NKAIN3: variants seen among roughly 807,000 people sequenced by gnomAD.
The protein encoded by NKAIN3 is sodium/potassium transporting ATPase interacting 3.
A neutral mutation model predicts 30.2 loss-of-function variants in NKAIN3; 25 were observed. The ratio of observed to expected loss-of-function variants is 0.83; its 90% confidence interval spans 0.60 to 1.16. NKAIN3 has a LOEUF of 1.16. Ranked by LOEUF, NKAIN3 falls within the 50% of genes most tolerant of loss-of-function variation. NKAIN3 has a pLI of 0.00. For synonymous variants in NKAIN3, 91 were observed against 89.6 expected (o/e 1.02, Z -0.09); for missense variants, 225 against 254.1 (o/e 0.89, Z 0.78).
chr8:62,942,619 G>T (rs1823000510), intron 5 of NKAIN3, among the ~76,000 whole-genome samples: 1 of 151,558 alleles, frequency 6.6e-6, no homozygotes, highest in Non-Finnish European at 1.5e-5. Context: ...CACATTACCT[G>T]ACTTCAAACT....
intron 1 of NKAIN3, among the ~76,000 whole-genome samples, chr8:62,292,938 T>C (rs1813699025): frequency 6.6e-6 from 1 of 152,204 alleles, no homozygotes; most frequent in Non-Finnish European, 1.5e-5. Context: ...TTCTTTTTAC[T>C]CTTTTTTTTT....
Position 62,280,814 on chromosome 8 carries a change from A to G in NKAIN3, c.54+31687A>G, listed in dbSNP as rs530015796. On this transcript the variant is annotated intron_variant, in intron 1 of 6. Coordinates refer to ENST00000623646, the MANE Select transcript of NKAIN3 (RefSeq NM_001304533.3). ...GAGGATTTTTGCATCGATGTTCATCAGGGATATTGGTCTAAAATTCTCTTT... is the reference window on the plus strand; with the variant it reads ...GAGGATTTTTGCATCGATGTTCATCGGGGATATTGGTCTAAAATTCTCTTT... Among the ~76,000 whole-genome samples, 290 of 152,264 alleles carry G rather than the reference A, an allele frequency of 1.9e-3. 1 individual carries two copies. The highest frequency in any genetic ancestry group is 6.5e-3 in the African/African-American group (270 of 41,548).
rs201239858 is a variant in NKAIN3 at position 62,743,292 on chromosome 8, TA to T, written c.274-3631del. ...AAACTGAGTTGTCATGTGGTAAGTT[TA>T]AAAAAAAATGTTTCTAATCTAGTAC... is the stretch of plus-strand genomic sequence containing the variant. On this transcript the variant is annotated intron_variant, in intron 3 of 6. Transcript: ENST00000623646. Among the ~76,000 whole-genome samples, 660 of 151,486 alleles carry T rather than the reference TA, an allele frequency of 4.4e-3. 8 individuals are homozygous for T. The highest frequency in any genetic ancestry group is 0.014 in the African/African-American group (574 of 41,334).
At chr8:62,897,288 G>T (rs143184500) in intron 4 of NKAIN3, among the ~76,000 whole-genome samples, 1 of 151,954 alleles carries the variant, frequency 6.6e-6, no homozygotes, top group Admixed American at 6.6e-5. Flanking sequence ...AACAGGCAAT[G>T]TTTTTTATTA....
At chr8:62,952,451 C>T (rs1823309341) in intron 5 of NKAIN3, among the ~76,000 whole-genome samples, 2 of 152,048 alleles carry the variant, frequency 1.3e-5, no homozygotes, top group African/African-American at 4.8e-5. Flanking sequence ...TGTGATGAGG[C>T]TAATGTTGAA....
intron 1 of NKAIN3, among the ~76,000 whole-genome samples, chr8:62,257,158 A>G (rs778495130): frequency 2.0e-5 from 3 of 152,174 alleles, no homozygotes; most frequent in Non-Finnish European, 2.9e-5. Context: ...ATTATTAACT[A>G]TAGTCACTAT....
chr8:62,629,183 G>A (rs183168754), intron 3 of NKAIN3, among the ~76,000 whole-genome samples: 34 of 152,214 alleles, frequency 2.2e-4, no homozygotes, highest in Middle Eastern at 3.4e-3. Context: ...CAAATCACCT[G>A]GATAGGGTGA....
chr8:62,259,346 A>G (rs944656491), intron 1 of NKAIN3, among the ~76,000 whole-genome samples: 1 of 152,124 alleles, frequency 6.6e-6, no homozygotes, highest in Non-Finnish European at 1.5e-5. Flanking sequence ...TTTGAGGTCA[A>G]TTTTAGGAAG....
chr8:62,463,000 G>C (rs1806043540), intron 1 of NKAIN3, among the ~76,000 whole-genome samples: 2 of 152,162 alleles, frequency 1.3e-5, no homozygotes, highest in Admixed American at 6.5e-5. Context: ...CCAGCTATTT[G>C]TGTTCCCAAA....
At chr8:62,897,237 A>T (rs1002436844) in intron 4 of NKAIN3, among the ~76,000 whole-genome samples, 4 of 152,190 alleles carry the variant, frequency 2.6e-5, no homozygotes, top group Admixed American at 6.6e-5. Context: ...GTGTCTGCAC[A>T]TTGGTTCACC....
chr8:62,833,675 A>G (rs1052541432), intron 4 of NKAIN3, among the ~76,000 whole-genome samples: 1 of 151,840 alleles, frequency 6.6e-6, no homozygotes, highest in African/African-American at 2.4e-5. Flanking sequence ...CCAAAATTGA[A>G]TCAGTAGTAG....
intron 4 of NKAIN3, among the ~76,000 whole-genome samples, chr8:62,768,448 TACAG>T (rs1273327914): frequency 5.9e-5 from 9 of 152,318 alleles, no homozygotes; most frequent in African/African-American, 1.9e-4. Flanking sequence ...CTTGTGAAGC[TACAG>T]ACAAAGTAGA....
At chr8:62,940,880 G>A (rs966123438) in intron 5 of NKAIN3, among the ~76,000 whole-genome samples, 8 of 150,726 alleles carry the variant, frequency 5.3e-5, no homozygotes, top group Non-Finnish European at 1.0e-4. Flanking sequence ...AGAACAAACC[G>A]AATCCAAACC....
chr8:62,860,097 G>A (rs60156098), intron 4 of NKAIN3, among the ~76,000 whole-genome samples: 2,450 of 152,274 alleles, frequency 0.016, 62 homozygotes, highest in African/African-American at 0.05. Context: ...GTGGGTAATA[G>A]TGCTTGACCA....
intron 1 of NKAIN3, among the ~76,000 whole-genome samples, chr8:62,476,001 G>A (rs1334978734): frequency 6.6e-6 from 1 of 152,116 alleles, no homozygotes; most frequent in Non-Finnish European, 1.5e-5. Flanking sequence ...TAAGAATAAA[G>A]TGAAACAAAA....
chr8:62,534,860 G>GT (rs145601852), intron 1 of NKAIN3, among the ~76,000 whole-genome samples: 8,812 of 145,602 alleles, frequency 0.061, 788 homozygotes, highest in African/African-American at 0.18. Flanking sequence ...TGCATTTATT[G>GT]GTTTTTTTTT....
chr8:62,956,071 A>AT, intron 6 of NKAIN3, among the ~76,000 whole-genome samples: 1 of 152,334 alleles, frequency 6.6e-6, no homozygotes, highest in South Asian at 2.1e-4. Context: ...GCATGAAACA[A>AT]TTTAAGAGGT....
chr8:62,898,085 T>C (rs1480699460), intron 4 of NKAIN3, among the ~76,000 whole-genome samples: 1 of 152,066 alleles, frequency 6.6e-6, no homozygotes, highest in Non-Finnish European at 1.5e-5. Context: ...TAGCAATCAA[T>C]TACACTCCAA....
At chr8:62,739,335 T>C (rs1357011572) in intron 3 of NKAIN3, among the ~76,000 whole-genome samples, 4 of 152,194 alleles carry the variant, frequency 2.6e-5, no homozygotes, top group African/African-American at 9.6e-5. Flanking sequence ...GTGGATTTCT[T>C]TGGAGCATTG....
Sources: gnomAD v4.1 joint callset for allele counts (sites outside exome capture counted in the v4.1 genomes callset) on GRCh38, gnomAD v4.1.1 for gene constraint, MANE v1.5 for transcripts, NCBI Gene and HGNC (gene_info 2026-07-23, HGNC 2026-07-21) for gene names.